MXD1: variants seen among roughly 807,000 people sequenced by gnomAD.
MXD1 encodes the protein MAX-binding protein.
Under a neutral mutation model 25.7 loss-of-function variants are expected in MXD1, and 9 were observed. The observed-to-expected ratio is 0.35, with a 90% CI of 0.21 to 0.61. The LOEUF (loss-of-function observed/expected upper bound fraction) is 0.61. Ranked by LOEUF, MXD1 falls within the 20% of genes least tolerant of loss-of-function variation. The pLI is 0.75. For missense variants in MXD1, 227 were observed against 292.4 expected (o/e 0.78, Z 1.63); for synonymous variants, 99 against 113.9 (o/e 0.87, Z 0.83).
At chr2:69,929,408 C>G (rs6712827) in intron 3 of MXD1, among the ~76,000 whole-genome samples, 80,971 of 152,080 alleles carry the variant, frequency 0.53, 23,453 homozygotes, top group African/African-American at 0.78. Flanking sequence ...AATCTATTCC[C>G]CAATTTGCAG....
At chr2:69,932,718 G>A (rs1418302034) in intron 3 of MXD1, among the ~76,000 whole-genome samples, 1 of 152,160 alleles carries the variant, frequency 6.6e-6, no homozygotes, top group Non-Finnish European at 1.5e-5. Context: ...GGCTAGAAAT[G>A]ACAATGCATC....
intron 4 of MXD1, among the ~76,000 whole-genome samples, chr2:69,935,904 T>C (rs1038450676): frequency 1.3e-5 from 2 of 152,112 alleles, no homozygotes; most frequent in Non-Finnish European, 2.9e-5. Context: ...AATCAACACG[T>C]GACCTTGTTT....
At chr2:69,929,439 T>G (rs1159902808) in intron 3 of MXD1, among the ~76,000 whole-genome samples, 1 of 152,170 alleles carries the variant, frequency 6.6e-6, no homozygotes, top group African/African-American at 2.4e-5. Context: ...CTGAGAGAGA[T>G]CCATAGATAG....
At chr2:69,928,504 T>C (rs1312541783) in intron 3 of MXD1, among the ~76,000 whole-genome samples, 2 of 152,224 alleles carry the variant, frequency 1.3e-5, no homozygotes, top group Non-Finnish European at 2.9e-5. Flanking sequence ...ATAATTCATC[T>C]ACACGTTTGA....
chr2:69,939,900 C>G lies in MXD1; in HGVS notation c.*1616C>G, dbSNP rs932329961. On this transcript the variant is annotated 3_prime_UTR_variant, in exon 6 of 6. Transcript: ENST00000264444. ...CCCAGCGCCTGCACCTCGCACACAG[C>G]TAAGGTCAAAGTTCAAACGCACTCC... is the stretch of plus-strand genomic sequence containing the variant. 3.3e-5 allele frequency: 5 copies of G among 152,636 alleles called. No homozygotes were observed. Among genetic ancestry groups the G allele is most frequent in the African/African-American group, 1.2e-4 (5 of 41,584 alleles). 9.5% of individuals were successfully genotyped at this position (152,636 alleles called of 1,614,324 possible).
Position 69,938,345 on chromosome 2 carries a change from G to A in MXD1, c.*61G>A, listed in dbSNP as rs1393973217. On this transcript the variant is annotated 3_prime_UTR_variant, in exon 6 of 6. Coordinates refer to ENST00000264444, the MANE Select transcript of MXD1 (RefSeq NM_002357.4). Reference sequence around the variant, plus strand: ...TCCCTGTTGGTTCTGATTAGGTAACGTATTGGACCTGCCCACAACTCCCTT... The same window carrying A: ...TCCCTGTTGGTTCTGATTAGGTAACATATTGGACCTGCCCACAACTCCCTT... 4.5e-6 allele frequency: 7 copies of A among 1,540,714 alleles called. No individual in the cohort carries two copies. The highest frequency in any genetic ancestry group is 2.3e-5 in the East Asian group (1 of 44,178).
rs1018460094 is a variant in MXD1 at position 69,940,532 on chromosome 2, T to G, written c.*2248T>G. 3 of 152,648 alleles carry G rather than the reference T, an allele frequency of 2.0e-5. No homozygotes were observed. The highest frequency in any genetic ancestry group is 7.2e-5 in the African/African-American group (3 of 41,454). 9.5% of individuals were successfully genotyped at this position (152,648 alleles called of 1,614,324 possible). ...ATTTAGAAATAAGGCATCCAAGAGA[T>G]GCCATTATTTTCTGTGTTTCAATTG... On this transcript the variant is annotated 3_prime_UTR_variant, in exon 6 of 6. Transcript: ENST00000264444.
rs755501784 is a variant in MXD1 at position 69,937,016 on chromosome 2, C to T, written c.319-219C>T. On this transcript the variant is annotated intron_variant, in intron 4 of 5. Transcript: ENST00000264444. ...GAGCTCACCCCCAGAATCCCTGTGA[C>T]AGGACAAGTACCCCCAGCACTGGCG... 5.8e-5 allele frequency: 39 copies of T among 671,276 alleles called. No homozygotes were observed. In the East Asian group the frequency reaches 1.2e-3, roughly 20 times the overall value. 41.6% of individuals were successfully genotyped at this position (671,276 alleles called of 1,614,324 possible).
intron 2 of MXD1, among the ~76,000 whole-genome samples, chr2:69,917,633 C>G (rs1326905855): frequency 1.3e-5 from 2 of 151,992 alleles, no homozygotes; most frequent in African/African-American, 4.8e-5. Flanking sequence ...GGCTTAATAC[C>G]TTAACACTTT....
intron 4 of MXD1, among the ~76,000 whole-genome samples, chr2:69,936,808 T>C (rs188552181): frequency 1.9e-3 from 284 of 152,360 alleles, no homozygotes; most frequent in African/African-American, 6.2e-3. Context: ...AATTGGGACA[T>C]GTACTTGAAT....
rs2104231163 is a variant in MXD1 at position 69,942,919 on chromosome 2, TAATA to T, written c.*4639_*4642del. On this transcript the variant is annotated 3_prime_UTR_variant, in exon 6 of 6. Coordinates refer to ENST00000264444, the MANE Select transcript of MXD1 (RefSeq NM_002357.4). The stretch of plus-strand genomic sequence containing the variant: ...ACTGTATTGTTCAACTGTTAACAAA[TAATA>T]AATTATTTCATTATTAAAGAAATTT... The T allele has an allele frequency of 6.6e-6, 1 of 152,350 alleles. No individual in the cohort carries two copies. Among genetic ancestry groups the T allele is most frequent in the South Asian group, 2.1e-4 (1 of 4,832 alleles). 9.4% of individuals were successfully genotyped at this position (152,350 alleles called of 1,614,324 possible). A position where few individuals can be genotyped will look rare whatever the true frequency, so the allele number is the denominator to read the frequency against.
intron 3 of MXD1, among the ~76,000 whole-genome samples, chr2:69,924,992 TAAAAG>T (rs1163816778): frequency 6.6e-6 from 1 of 152,154 alleles, no homozygotes; most frequent in Non-Finnish European, 1.5e-5. Context: ...GGTGGGACAA[TAAAAG>T]AAAAGACTTC....
intron 3 of MXD1, among the ~76,000 whole-genome samples, chr2:69,927,402 C>A (rs754466010): frequency 2.0e-5 from 3 of 152,152 alleles, no homozygotes; most frequent in Non-Finnish European, 2.9e-5. Context: ...AGAGACACAG[C>A]GATCAGTGTA....
At chr2:69,927,738 A>C (rs1250753772) in intron 3 of MXD1, among the ~76,000 whole-genome samples, 1 of 152,234 alleles carries the variant, frequency 6.6e-6, no homozygotes, top group Non-Finnish European at 1.5e-5. Context: ...TTAATAATGA[A>C]GTGACCTTAT....
At chr2:69,936,999 C>A in intron 4 of MXD1, 1 of 635,916 alleles carries the variant, frequency 1.6e-6, no homozygotes, top group East Asian at 3.4e-5. Flanking sequence ...GAGAGCTCAC[C>A]CCCAGAATCC....
At chr2:69,935,290 C>T (rs1394273429) in intron 3 of MXD1, 61 bp from the exon 4 acceptor site, 6 of 1,199,656 alleles carry the variant, frequency 5.0e-6, no homozygotes, top group Non-Finnish European at 7.4e-6. Flanking sequence ...ACTCATTCTG[C>T]CTGGGGTGCT....
intron 3 of MXD1, among the ~76,000 whole-genome samples, chr2:69,926,716 T>C (rs10496175): frequency 0.21 from 32,057 of 152,204 alleles, 3,714 homozygotes; most frequent in East Asian, 0.37. Flanking sequence ...AATCTTTTGT[T>C]GTTACATACC....
chr2:69,925,521 T>C (rs931273712), intron 3 of MXD1, among the ~76,000 whole-genome samples: 7 of 152,184 alleles, frequency 4.6e-5, no homozygotes, highest in Admixed American at 4.6e-4. Context: ...CTGCTAACAT[T>C]TGTTCTATAT....
rs1310295679 is a variant in MXD1 at position 69,938,783 on chromosome 2, ACCACCAGT to A, written c.*500_*507del. 6.5e-6 allele frequency: 1 copy of A among 154,140 alleles called. No homozygotes were observed. Among genetic ancestry groups the A allele is most frequent in the East Asian group, 1.9e-4 (1 of 5,212 alleles). 9.5% of individuals were successfully genotyped at this position (154,140 alleles called of 1,614,324 possible). A position where few individuals can be genotyped will look rare whatever the true frequency, so the allele number is the denominator to read the frequency against. The stretch of plus-strand genomic sequence containing the variant: ...TTAAGAGCACTTAACCATGGACCTC[ACCACCAGT>A]GAGGAAGTCAGGAATACCTCTAGAA... On this transcript the variant is annotated 3_prime_UTR_variant, in exon 6 of 6. Transcript: ENST00000264444.
Sources: gnomAD v4.1 joint callset for allele counts (sites outside exome capture counted in the v4.1 genomes callset) on GRCh38, gnomAD v4.1.1 for gene constraint, MANE v1.5 for transcripts, NCBI Gene and HGNC (gene_info 2026-07-23, HGNC 2026-07-21) for gene names.